The following ITGB4 variants were observed in gnomAD, a reference collection of about 807,000 sequenced individuals.
ITGB4 encodes the protein integrin beta-4.
Under a neutral mutation model 207.6 loss-of-function variants are expected in ITGB4, and 159 were observed. The observed-to-expected ratio is 0.77, with a 90% CI of 0.67 to 0.87. ITGB4 has a LOEUF of 0.87. Ranked by LOEUF, ITGB4 falls within the 40% of genes least tolerant of loss-of-function variation. The probability of loss-of-function intolerance (pLI) is 0.00; values close to 1 mark genes in which losing one functional copy is unlikely to be tolerated. For missense variants in ITGB4, 2,278 were observed against 2,546.8 expected, an observed-to-expected ratio of 0.89 and a Z score of 2.27; for synonymous variants, 1,020 against 1,062.7, an observed-to-expected ratio of 0.96 and a Z score of 0.78.
At position 75,722,539 on chromosome 17, in the gene ITGB4, G is replaced by A. The variant is rs1049817501; in HGVS notation, c.-11+927G>A. Among the ~76,000 whole-genome samples the A allele has an allele frequency of 6.6e-6, 1 of 152,176 alleles. No homozygotes were observed. The highest frequency in any genetic ancestry group is 1.5e-5 in the Non-Finnish European group (1 of 68,038). On this transcript the variant is annotated intron_variant, in intron 1 of 39. Coordinates refer to ENST00000200181, the MANE Select transcript of ITGB4 (RefSeq NM_000213.5). The surrounding 1 kb of genome is among the most constrained non-coding windows in gnomAD (Gnocchi z 6.2). ...GGAGGGGAGGTATGTCTGTCTACTC[G>A]ACCCTGATTTCTCAGGGAGACAGAA...
At chr17:75,730,749 G>A in intron 8 of ITGB4, 126 bp from the exon 9 acceptor site, 1 of 1,059,074 alleles carries the variant, frequency 9.4e-7, no homozygotes, top group South Asian at 1.3e-5. Flanking sequence ...GGGCTAAGAG[G>A]GCAGGCTCTG....
rs820389 is a variant in ITGB4, at chr17:75,750,346, A to C, written c.3474+78A>C. ...CACTCACAGAAGAGGTGGGCCGTCC[A>C]AGGCCAGGGCCCCCTGAGAGAGAGC... is the stretch of plus-strand genomic sequence containing the variant. On this transcript the variant is annotated intron_variant, in intron 28 of 39. Transcript: ENST00000200181. This position sits in a 1 kb window ranked among gnomAD's most constrained non-coding sequence, Gnocchi z 5.5. 1.4e-6 allele frequency: 2 copies of C among 1,467,346 alleles called. No homozygotes were observed. The highest frequency in any genetic ancestry group is 1.4e-5 in the African/African-American group (1 of 71,624). 90.9% of individuals were successfully genotyped at this position (1,467,346 alleles called of 1,614,324 possible). A position where few individuals can be genotyped will look rare whatever the true frequency, so the allele number is the denominator to read the frequency against.
Position 75,731,084 on chromosome 17 carries a change from G to A in ITGB4, c.1092+120G>A. 1 of 1,411,436 alleles carries A rather than the reference G, an allele frequency of 7.1e-7. No homozygotes were observed. The highest frequency in any genetic ancestry group is 1.4e-5 in the African/African-American group (1 of 70,520). The allele number at this position is 1,411,436 out of a possible 1,614,324, so 87.4% of individuals were successfully genotyped here. On this transcript the variant is annotated intron_variant, in intron 9 of 39. Coordinates refer to ENST00000200181, the MANE Select transcript of ITGB4 (RefSeq NM_000213.5). The surrounding 1 kb of genome is among the most constrained non-coding windows in gnomAD (Gnocchi z 6.8). Reference sequence around the variant, plus strand: ...AATGGGTCTGGGACAGACCAGTGAGGAAGGGTCTCTAGCTATCCCTGAGGC... The same window carrying A: ...AATGGGTCTGGGACAGACCAGTGAGAAAGGGTCTCTAGCTATCCCTGAGGC...
In ITGB4 at chr17:75,727,831, C is replaced by T. The variant is rs202029031; in HGVS notation, c.445C>T (p.Leu149Phe). 9 of 1,613,782 alleles carry T rather than the reference C, an allele frequency of 5.6e-6. No individual in the cohort carries two copies. The highest frequency in any genetic ancestry group is 7.6e-6 in the Non-Finnish European group (9 of 1,179,936). Residue 149 changes from leucine (L) to phenylalanine (F), a missense_variant, in exon 5 of 40, where the codon CTC (leucine) becomes TTC (phenylalanine). Coordinates refer to ENST00000200181, the MANE Select transcript of ITGB4 (RefSeq NM_000213.5). The surrounding 1 kb of genome is among the most constrained non-coding windows in gnomAD (Gnocchi z 6.0). ...SNSMSDDLDN[L>F]KKMGQNLARV... ...CTCCATGTCCGATGATCTGGACAAC[C>T]TCAAGAAGATGGGGCAGAACCTGGG...
intron 26 of ITGB4, among the ~76,000 whole-genome samples, chr17:75,747,709 G>A (rs2061262794): frequency 1.3e-5 from 2 of 152,170 alleles, no homozygotes; most frequent in South Asian, 4.1e-4. Flanking sequence ...CACCCAGGCT[G>A]GAGTACAGTG....
At chr17:75,754,947 C>A in intron 34 of ITGB4, 132 bp downstream of exon 34, 1 of 1,385,628 alleles carries the variant, frequency 7.2e-7, no homozygotes, top group Non-Finnish European at 9.9e-7. Flanking sequence ...CACATGCACG[C>A]ACACACGTGC....
Position 75,724,788 on chromosome 17 carries a change from T to A in ITGB4, c.79+6T>A. Reference sequence around the variant, plus strand: ...CAGCCTCTCTGGGACCTTGGGTGAGTCCACGTTGCCCTGCAGCCCCCTCCT... The same window carrying A: ...CAGCCTCTCTGGGACCTTGGGTGAGACCACGTTGCCCTGCAGCCCCCTCCT... On this transcript the variant is annotated splice_donor_region_variant and intron_variant, in intron 2 of 39. Coordinates refer to ENST00000200181, the MANE Select transcript of ITGB4 (RefSeq NM_000213.5). 6.2e-7 allele frequency: 1 copy of A among 1,612,448 alleles called. No individual in the cohort carries two copies. Among genetic ancestry groups the A allele is most frequent in the Non-Finnish European group, 8.5e-7 (1 of 1,179,118 alleles).
At chr17:75,753,013 C>T (rs58637300) in intron 32 of ITGB4, among the ~76,000 whole-genome samples, 1 of 152,212 alleles carries the variant, frequency 6.6e-6, no homozygotes. Flanking sequence ...CAAAGTGCTG[C>T]GGAGCCCTTA....
In ITGB4 at chr17:75,727,099, A is replaced by G; in HGVS notation, c.80-96A>G. ...AAATAAATAAATAAATAACATAAGG[A>G]GGGAATCCCCATCTCTCCAGGTGAA... On this transcript the variant is annotated intron_variant, in intron 2 of 39. Transcript: ENST00000200181. The surrounding 1 kb of genome is among the most constrained non-coding windows in gnomAD (Gnocchi z 6.0). 1 of 919,056 alleles carries G rather than the reference A, an allele frequency of 1.1e-6. No homozygotes were observed. The highest frequency in any genetic ancestry group is 1.8e-6 in the Non-Finnish European group (1 of 565,974). 56.9% of individuals were successfully genotyped at this position (919,056 alleles called of 1,614,324 possible). A position where few individuals can be genotyped will look rare whatever the true frequency, so the allele number is the denominator to read the frequency against.
At position 75,753,852 on chromosome 17, in the gene ITGB4, G is replaced by A. The variant is rs762521380; in HGVS notation, c.4196G>A (p.Arg1399His). ...TWRLPPELIP[R>H]LSASSGRSSD... ...CGGCTGCCCCCGGAGCTCATCCCGC[G>A]CCTGTCGGCCAGCAGCGGGCGCTCC... The change falls in exon 33 of 40, where the codon CGC (arginine) becomes CAC (histidine). Residue 1399 changes from arginine (R) to histidine (H), a missense_variant. Physicochemically the swap from Arg to His is conservative, Grantham distance 29 (BLOSUM62 0). Coordinates refer to ENST00000200181, the MANE Select transcript of ITGB4 (RefSeq NM_000213.5). 4 of 1,393,770 alleles carry A rather than the reference G, an allele frequency of 2.9e-6. No homozygotes were observed. Among genetic ancestry groups the A allele is most frequent in the African/African-American group, 1.5e-5 (1 of 68,314 alleles). The allele number at this position is 1,393,770 out of a possible 1,614,324, so 86.3% of individuals were successfully genotyped here.
In ITGB4 at chr17:75,750,090, G is replaced by C; in HGVS notation, c.3317-21G>C. On this transcript the variant is annotated intron_variant, in intron 27 of 39. Transcript: ENST00000200181. This position sits in a 1 kb window ranked among gnomAD's most constrained non-coding sequence, Gnocchi z 5.5. ...TGAAGGGGGATCTGAGTGGTTGCCC[G>C]GCCCCAACCTGACCCGTTAGATGAA... The C allele has an allele frequency of 1.9e-6, 3 of 1,613,354 alleles. No homozygotes were observed. Among genetic ancestry groups the C allele is most frequent in the Non-Finnish European group, 2.5e-6 (3 of 1,179,990 alleles).
rs2061128067 is a variant in ITGB4, at chr17:75,742,289, G to A, written c.2634-52G>A. 1.1e-5 allele frequency: 17 copies of A among 1,610,156 alleles called. No homozygotes were observed. The South Asian group carries it at 1.5e-4, about 15-fold the overall frequency. ...GAAGACAGGCAGGAGGGACAGGGCAGCAGGTGCCAGCCTGACCCCTCCGCT... is the reference window on the plus strand; with the variant it reads ...GAAGACAGGCAGGAGGGACAGGGCAACAGGTGCCAGCCTGACCCCTCCGCT... On this transcript the variant is annotated intron_variant, in intron 23 of 39. Coordinates refer to ENST00000200181, the MANE Select transcript of ITGB4 (RefSeq NM_000213.5). This position sits in a 1 kb window ranked among gnomAD's most constrained non-coding sequence, Gnocchi z 5.9.
Position 75,729,645 on chromosome 17 carries a change from G to C in ITGB4, c.738+209G>C, listed in dbSNP as rs942912726. ...GAGTTCAGATGTGCCTGGAGCCACG[G>C]TCCCCTGGCCTGAGCAGTCACAGCC... On this transcript the variant is annotated intron_variant, in intron 7 of 39. Transcript: ENST00000200181. The surrounding 1 kb of genome is among the most constrained non-coding windows in gnomAD (Gnocchi z 4.4). Among the ~76,000 whole-genome samples the C allele has an allele frequency of 6.6e-6, 1 of 152,296 alleles. No homozygotes were observed. The highest frequency in any genetic ancestry group is 1.9e-4 in the East Asian group (1 of 5,186).
In ITGB4 at chr17:75,727,321, G is replaced by C; in HGVS notation, c.162+44G>C. 6.2e-7 allele frequency: 1 copy of C among 1,612,566 alleles called. No individual in the cohort carries two copies. The highest frequency in any genetic ancestry group is 8.5e-7 in the Non-Finnish European group (1 of 1,178,920). On this transcript the variant is annotated intron_variant, in intron 3 of 39. Coordinates refer to ENST00000200181, the MANE Select transcript of ITGB4 (RefSeq NM_000213.5). This position sits in a 1 kb window ranked among gnomAD's most constrained non-coding sequence, Gnocchi z 6.0. ...TTGGTGTGGAACAGGCAAGGGTCGG[G>C]AATAGCTGGTGGAAATGAATCTAGG...
chr17:75,735,920 G>T (rs956993583), intron 13 of ITGB4, 131 bp from the exon 14 acceptor site: 4 of 815,286 alleles, frequency 4.9e-6, no homozygotes, highest in Non-Finnish European at 8.6e-6. Context: ...AGGAAGAGAT[G>T]ACTTCTACCC....
At chr17:75,755,126 G>T (rs774244228) in intron 34 of ITGB4, 1 of 1,610,886 alleles carries the variant, frequency 6.2e-7, no homozygotes, top group South Asian at 1.1e-5. Context: ...CCGGAGTCGG[G>T]CTCAGATGAA....
At chr17:75,755,589 G>T (rs747456878) in intron 34 of ITGB4, 112 bp from the exon 35 acceptor site, 332 of 1,378,822 alleles carry the variant, frequency 2.4e-4, no homozygotes, top group Non-Finnish European at 3.2e-4. Flanking sequence ...TGTCCAGCCA[G>T]CGGTCAGTGT....
chr17:75,734,368 T>A (rs2060931799), intron 13 of ITGB4, among the ~76,000 whole-genome samples: 1 of 152,020 alleles, frequency 6.6e-6, no homozygotes, highest in African/African-American at 2.4e-5. Flanking sequence ...ACTCCTGACC[T>A]CAGGTGATCT....
chr17:75,751,046 C>T lies in ITGB4; in HGVS notation c.3728C>T (p.Pro1243Leu), dbSNP rs1420591341. The change falls in exon 30 of 40, where the codon CCG becomes CTG. Residue 1243 changes from proline (P) to leucine (L), a missense_variant. Pro to Leu is a moderately conservative substitution (Grantham distance 98). Transcript: ENST00000200181. ...GTGACCCAGCTGAGCTGGGCTGAGC[C>T]GGCTGAGACCAACGGTGAGATCACA... ...STVTQLSWAE[P>L]AETNGEITAY... 5 of 1,613,880 alleles carry T rather than the reference C, an allele frequency of 3.1e-6. No homozygotes were observed. Among genetic ancestry groups the T allele is most frequent in the East Asian group, 2.2e-5 (1 of 44,878 alleles).
Sources: allele counts gnomAD v4.1 joint callset (sites outside exome capture counted in the v4.1 genomes callset), GRCh38; gene constraint gnomAD v4.1.1; non-coding constraint Gnocchi (gnomAD v3.1); transcripts MANE v1.5; gene names NCBI Gene and HGNC (gene_info 2026-07-23, HGNC 2026-07-21).